The following SUGCT variants were observed in gnomAD, a reference collection of about 807,000 sequenced individuals.
The protein encoded by SUGCT is succinyl-CoA:glutarate CoA-transferase.
Under a neutral mutation model 55.0 loss-of-function variants are expected in SUGCT, and 41 were observed. The ratio of observed to expected loss-of-function variants is 0.74; its 90% CI spans 0.58 to 0.97. The LOEUF is 0.97. Among genes scored for constraint, SUGCT ranks in the 50% least tolerant of loss-of-function variants. SUGCT has a pLI of 0.00. For synonymous variants in SUGCT, 187 were observed against 200.4 expected, an observed-to-expected ratio of 0.93 and a Z score of 0.56; for missense variants, 568 against 547.8, an observed-to-expected ratio of 1.04 and a Z score of -0.37.
intron 12 of SUGCT, among the ~76,000 whole-genome samples, chr7:40,676,067 G>C (rs1255616408): frequency 6.6e-6 from 1 of 152,090 alleles, no homozygotes; most frequent in South Asian, 2.1e-4. Flanking sequence ...ATTTGGATGG[G>C]GTTGGGGAGA....
chr7:40,684,016 T>A (rs370998139), intron 12 of SUGCT: 1 of 1,610,668 alleles, frequency 6.2e-7, no homozygotes, highest in Non-Finnish European at 8.5e-7. Context: ...CTTGTGGTTG[T>A]ATGACTGAGG....
At chr7:40,981,068 G>A in the SUGCT span, among the ~76,000 whole-genome samples, 2 of 152,096 alleles carry the variant, frequency 1.3e-5, no homozygotes, top group Non-Finnish European at 2.9e-5. Context: ...CAGTGGGATG[G>A]CAGCATCTCA....
chr7:40,933,123 G>A, the SUGCT span, among the ~76,000 whole-genome samples: 1 of 152,080 alleles, frequency 6.6e-6, no homozygotes. Context: ...TGTAAGGCAG[G>A]CCTGGTGGTG....
chr7:40,695,003 A>G (rs2128655227), intron 12 of SUGCT, among the ~76,000 whole-genome samples: 1 of 152,190 alleles, frequency 6.6e-6, no homozygotes, highest in East Asian at 1.9e-4. Context: ...TTGTTTTATG[A>G]TGTAAATCTT....
intron 11 of SUGCT, among the ~76,000 whole-genome samples, chr7:40,481,269 T>C (rs988306965): frequency 6.6e-6 from 1 of 152,032 alleles, no homozygotes; most frequent in African/African-American, 2.4e-5. Context: ...TCCCAGGTGT[T>C]TCAGGCTGCA....
chr7:40,895,954 C>T, the SUGCT span, among the ~76,000 whole-genome samples: 4 of 152,164 alleles, frequency 2.6e-5, no homozygotes, highest in Non-Finnish European at 5.9e-5. Context: ...ATATAGCTGT[C>T]TACTCTTGTC....
intron 12 of SUGCT, among the ~76,000 whole-genome samples, chr7:40,575,129 G>GC: frequency 6.7e-6 from 1 of 150,290 alleles, no homozygotes; most frequent in African/African-American, 2.5e-5. Flanking sequence ...CGGGGGTGGG[G>GC]GTGGAGATGG....
chr7:40,367,737 C>G (rs192468713), intron 9 of SUGCT, among the ~76,000 whole-genome samples: 1 of 152,108 alleles, frequency 6.6e-6, no homozygotes, highest in Admixed American at 6.6e-5. Flanking sequence ...CTCTGCTGCC[C>G]GACCGTGGTC....
chr7:40,758,244 G>A (rs1405959067), intron 13 of SUGCT, among the ~76,000 whole-genome samples: 5 of 151,484 alleles, frequency 3.3e-5, no homozygotes, highest in African/African-American at 9.7e-5. Context: ...GGGACTTCTT[G>A]GTGCATGAAG....
chr7:40,427,048 G>C (rs891085721), intron 9 of SUGCT, among the ~76,000 whole-genome samples: 2 of 151,994 alleles, frequency 1.3e-5, no homozygotes, highest in Non-Finnish European at 2.9e-5. Context: ...GGCCTCAAGT[G>C]ATCCTCCTGC....
chr7:40,943,600 G>C, the SUGCT span, among the ~76,000 whole-genome samples: 1 of 150,054 alleles, frequency 6.7e-6, no homozygotes, highest in African/African-American at 2.5e-5. Flanking sequence ...TCCCTACAAA[G>C]GACATGAACT....
intron 12 of SUGCT, among the ~76,000 whole-genome samples, chr7:40,704,270 T>C (rs2128665077): frequency 6.6e-6 from 1 of 152,304 alleles, no homozygotes; most frequent in African/African-American, 2.4e-5. Context: ...TCACTTCTCT[T>C]CATCTGTAAG....
In SUGCT at chr7:40,136,398, C is replaced by G. The variant is rs911203411; in HGVS notation, c.100+1278C>G. On this transcript the variant is annotated intron_variant, in intron 1 of 13. Transcript: ENST00000335693. ...CATTCACCCTCTTGTAGCTGCTACT[C>G]CTCGCTGTCTCTTTGACATGTTCTG... is the stretch of plus-strand genomic sequence containing the variant. Among the ~76,000 whole-genome samples the G allele has an allele frequency of 4.6e-5, 7 of 152,294 alleles. No homozygotes were observed. The East Asian group carries it at 1.2e-3, about 25-fold the overall frequency.
At chr7:40,596,961 G>A (rs568412920) in intron 12 of SUGCT, among the ~76,000 whole-genome samples, 3 of 152,224 alleles carry the variant, frequency 2.0e-5, no homozygotes, top group Admixed American at 6.5e-5. Context: ...CCCCTTAATC[G>A]CTGTATTACC....
chr7:40,780,087 A>G (rs1011954053), intron 13 of SUGCT, among the ~76,000 whole-genome samples: 1 of 152,078 alleles, frequency 6.6e-6, no homozygotes, highest in East Asian at 1.9e-4. Flanking sequence ...CTCTTTCTAG[A>G]AGTGGTCATC....
intron 9 of SUGCT, among the ~76,000 whole-genome samples, chr7:40,445,143 A>T (rs950381688): frequency 6.6e-6 from 1 of 152,054 alleles, no homozygotes; most frequent in Admixed American, 6.6e-5. Context: ...GAAATAACTA[A>T]GATCAGAGCA....
chr7:40,769,198 G>C (rs548593726), intron 13 of SUGCT, among the ~76,000 whole-genome samples: 1 of 152,254 alleles, frequency 6.6e-6, no homozygotes, highest in Admixed American at 6.5e-5. Context: ...CACTTAGCAG[G>C]AATTTTATAT....
Position 40,612,385 on chromosome 7 carries a change from A to G in SUGCT, c.1089+115999A>G, listed in dbSNP as rs185404982. On this transcript the variant is annotated intron_variant, in intron 12 of 13. Coordinates refer to ENST00000335693, the MANE Select transcript of SUGCT (RefSeq NM_001193313.2). ...AATACTTGCTCGCAGGCCCTTACCC[A>G]CTTAGAGACAGAGCAAAGCTTTGAA... Among the ~76,000 whole-genome samples, 366 of 152,276 alleles carry G rather than the reference A, an allele frequency of 2.4e-3. 5 individuals carry two copies. The highest frequency in any genetic ancestry group is 0.02 in the Admixed American group (307 of 15,282).
At chr7:40,248,158 T>C (rs1213848879) in intron 7 of SUGCT, among the ~76,000 whole-genome samples, 2 of 151,952 alleles carry the variant, frequency 1.3e-5, no homozygotes, top group Non-Finnish European at 1.5e-5. Flanking sequence ...ATTACAGGCA[T>C]GCGCCACCAT....
Sources: allele counts gnomAD v4.1 joint callset (sites outside exome capture counted in the v4.1 genomes callset), GRCh38; gene constraint gnomAD v4.1.1; transcripts MANE v1.5; gene names NCBI Gene and HGNC (gene_info 2026-07-23, HGNC 2026-07-21).